Variants in RPSA2 observed in about 807,000 individuals in gnomAD.
RPSA2 encodes ribosomal protein SA 2.
At chr19:23,859,311 T>C in the RPSA2 span, among the ~76,000 whole-genome samples, 27 of 152,140 alleles carry the variant, frequency 1.8e-4, no homozygotes, top group Non-Finnish European at 3.7e-4. Flanking sequence ...TTATGAATAG[T>C]TTAATGGAAC....
chr19:23,804,503 G>T, the RPSA2 span, among the ~76,000 whole-genome samples: 4 of 151,852 alleles, frequency 2.6e-5, no homozygotes, highest in Non-Finnish European at 5.9e-5. Flanking sequence ...CACCGTGTTA[G>T]CCAGGATGGT....
the RPSA2 span, among the ~76,000 whole-genome samples, chr19:23,767,083 G>C: frequency 0.98 from 148,813 of 152,136 alleles, 72,874 homozygotes; most frequent in Middle Eastern, 1. Flanking sequence ...CTCCTGAGTA[G>C]ACAGGTGCGT....
At chr19:23,824,708 C>CT in the RPSA2 span, among the ~76,000 whole-genome samples, 2 of 149,744 alleles carry the variant, frequency 1.3e-5, no homozygotes, top group African/African-American at 2.5e-5. Flanking sequence ...CACCATGTAC[C>CT]TTTTTTTGTA....
the RPSA2 span, among the ~76,000 whole-genome samples, chr19:23,841,629 A>G: frequency 3.9e-5 from 6 of 152,162 alleles, no homozygotes; most frequent in Non-Finnish European, 8.8e-5. Context: ...TTTGTGGGTT[A>G]CTGGAAAAAC....
the RPSA2 span, among the ~76,000 whole-genome samples, chr19:23,774,135 G>A: frequency 1.3e-5 from 2 of 152,172 alleles, no homozygotes; most frequent in Non-Finnish European, 1.5e-5. Flanking sequence ...GCACTTAGGT[G>A]ATGTGAGTCT....
At chr19:23,778,011 G>A in the RPSA2 span, among the ~76,000 whole-genome samples, 1 of 152,100 alleles carries the variant, frequency 6.6e-6, no homozygotes, top group Non-Finnish European at 1.5e-5. Flanking sequence ...TCTCTTCTTC[G>A]TAGATTCTAT....
the RPSA2 span, among the ~76,000 whole-genome samples, chr19:23,780,497 G>A: frequency 6.6e-6 from 1 of 152,040 alleles, no homozygotes; most frequent in Non-Finnish European, 1.5e-5. Context: ...CAAAAAATTA[G>A]CCAGGCGAGG....
the RPSA2 span, among the ~76,000 whole-genome samples, chr19:23,777,916 G>A: frequency 6.6e-6 from 1 of 152,208 alleles, no homozygotes; most frequent in Non-Finnish European, 1.5e-5. Context: ...CCCAGGTGAT[G>A]TGAATCTTTT....
the RPSA2 span, among the ~76,000 whole-genome samples, chr19:23,805,154 C>G: frequency 1.8e-4 from 1 of 5,680 alleles, no homozygotes; most frequent in East Asian, 0.1. Flanking sequence ...CACACACACA[C>G]ACACACACAC....
the RPSA2 span, among the ~76,000 whole-genome samples, chr19:23,769,254 A>C: frequency 6.6e-6 from 1 of 152,052 alleles, no homozygotes; most frequent in Non-Finnish European, 1.5e-5. Context: ...TGCTGGGCCT[A>C]GCTCAAAGGT....
chr19:23,823,504 G>T, the RPSA2 span, among the ~76,000 whole-genome samples: 67 of 152,092 alleles, frequency 4.4e-4, no homozygotes, highest in Non-Finnish European at 8.8e-4. Flanking sequence ...GTCTGCATTG[G>T]TTCCTCCCAA....
the RPSA2 span, among the ~76,000 whole-genome samples, chr19:23,824,958 T>G: frequency 4.8e-3 from 725 of 151,956 alleles, 4 homozygotes; most frequent in Non-Finnish European, 6.7e-3. Flanking sequence ...TAATAAGTTG[T>G]TTGTTTTGTT....
the RPSA2 span, among the ~76,000 whole-genome samples, chr19:23,802,864 C>T: frequency 2.6e-5 from 4 of 152,026 alleles, no homozygotes; most frequent in East Asian, 5.8e-4. Flanking sequence ...GATATATTTG[C>T]ACCATTTTCT....
At chr19:23,819,980 C>T in the RPSA2 span, among the ~76,000 whole-genome samples, 12 of 152,162 alleles carry the variant, frequency 7.9e-5, no homozygotes, top group Admixed American at 1.3e-4. Flanking sequence ...AGTCGAAATC[C>T]AGGGATAATG....
At chr19:23,767,435 C>T in the RPSA2 span, among the ~76,000 whole-genome samples, 7 of 152,106 alleles carry the variant, frequency 4.6e-5, no homozygotes, top group African/African-American at 1.2e-4. Context: ...ATCAAATGTT[C>T]GCATTGATGA....
the RPSA2 span, chr19:23,832,596 T>C: frequency 1.5e-6 from 2 of 1,295,566 alleles, no homozygotes; most frequent in African/African-American, 1.5e-5. Context: ...TCCCCATACC[T>C]TACTACACAT....
chr19:23,788,891 G>A, the RPSA2 span, among the ~76,000 whole-genome samples: 4 of 151,906 alleles, frequency 2.6e-5, no homozygotes, highest in African/African-American at 9.7e-5. Flanking sequence ...ATATCACTGG[G>A]ATCAGCCACC....
the RPSA2 span, among the ~76,000 whole-genome samples, chr19:23,853,339 C>T: frequency 1.5e-4 from 22 of 150,464 alleles, no homozygotes; most frequent in Non-Finnish European, 3.0e-4. Context: ...AAATCAGTTA[C>T]CATCCGCCAC....
chr19:23,825,407 A>AGT, the RPSA2 span, among the ~76,000 whole-genome samples: 1 of 152,230 alleles, frequency 6.6e-6, no homozygotes, highest in Non-Finnish European at 1.5e-5. Context: ...AATTTAAGGC[A>AGT]GTGTGGAAGA....
Sources: gnomAD v4.1 joint callset for allele counts (sites outside exome capture counted in the v4.1 genomes callset) on GRCh38, gnomAD v4.1.1 for gene constraint, MANE v1.5 for transcripts, NCBI Gene and HGNC (gene_info 2026-07-23, HGNC 2026-07-21) for gene names.